Variants in FAM118A observed in about 807,000 individuals in gnomAD.
FAM118A encodes the protein protein FAM118A.
A neutral mutation model predicts 38.2 loss-of-function variants in FAM118A; 25 were observed. The ratio of observed to expected loss-of-function variants is 0.65; its 90% CI spans 0.48 to 0.91. The LOEUF (loss-of-function observed/expected upper bound fraction) is 0.91, where lower values mean the gene tolerates loss of function less well. FAM118A is among the 40% of genes least tolerant of loss of function. FAM118A has a pLI of 0.00. For synonymous variants in FAM118A, 178 were observed against 184.1 expected (o/e 0.97, Z 0.27); for missense variants, 425 against 463.3 (o/e 0.92, Z 0.76).
rs767178000 is a variant in FAM118A at position 45,332,509 on chromosome 22, CTCTT to C, written c.742_745del (p.Leu248ThrfsTer16). 2 of 1,614,204 alleles carry C rather than the reference CTCTT, an allele frequency of 1.2e-6. No individual in the cohort carries two copies. Among genetic ancestry groups the C allele is most frequent in the Admixed American group, 1.7e-5 (1 of 60,026 alleles). On this transcript the variant is annotated frameshift_variant, in exon 6 of 9. Coordinates refer to ENST00000441876, the MANE Select transcript of FAM118A (RefSeq NM_017911.4). LOFTEE classifies it high-confidence loss of function. Reference sequence around the variant, plus strand: ...CCTTCGTGATCAGATATTCCAGGCCCTCTTTCTTTACTCCGTGCCGAATAAGGTG... The same window carrying C: ...CCTTCGTGATCAGATATTCCAGGCCCTCTTTACTCCGTGCCGAATAAGGTG...
At chr22:45,311,360 C>T (rs935482946) in intron 1 of FAM118A, among the ~76,000 whole-genome samples, 1 of 152,108 alleles carries the variant, frequency 6.6e-6, no homozygotes, top group African/African-American at 2.4e-5. Context: ...AGCTTTGCTC[C>T]CGGAGGCCCA....
chr22:45,328,783 A>G (rs1427443495), intron 4 of FAM118A: 1 of 311,024 alleles, frequency 3.2e-6, no homozygotes, highest in Non-Finnish European at 6.1e-6. Context: ...GTCTCAAAAA[A>G]CAAAAGAAAA....
chr22:45,331,119 GCTT>G (rs556627665), intron 5 of FAM118A, among the ~76,000 whole-genome samples: 185 of 152,188 alleles, frequency 1.2e-3, no homozygotes, highest in African/African-American at 4.3e-3. Flanking sequence ...GTTCTTCCAG[GCTT>G]CTTCTGGTCT....
At chr22:45,328,325 G>C (rs35597459) in intron 4 of FAM118A, 1 of 294,938 alleles carries the variant, frequency 3.4e-6, no homozygotes, top group Non-Finnish European at 6.6e-6. Flanking sequence ...GGCTGGGGGT[G>C]CGGGAGGCCT....
intron 8 of FAM118A, among the ~76,000 whole-genome samples, chr22:45,339,781 G>A (rs1208085125): frequency 6.6e-6 from 1 of 152,192 alleles, no homozygotes; most frequent in Admixed American, 6.5e-5. Context: ...TCCCCCCGTG[G>A]CCTACCTCTG....
intron 4 of FAM118A, among the ~76,000 whole-genome samples, chr22:45,330,088 T>C (rs1333560852): frequency 1.3e-5 from 2 of 152,256 alleles, no homozygotes; most frequent in Non-Finnish European, 2.9e-5. Flanking sequence ...AATTAAAATA[T>C]AACATATAAC....
In FAM118A at chr22:45,332,586, C is replaced by A. The variant is rs752123002; in HGVS notation, c.813C>A (p.Phe271Leu). Residue 271 changes from phenylalanine to leucine, a missense_variant, in exon 6 of 9, where the codon TTC (phenylalanine) becomes TTA (leucine). Coordinates refer to ENST00000441876, the MANE Select transcript of FAM118A (RefSeq NM_017911.4). ...TGCTGAAGGAGAATGAAGACCATTT[C>A]TTTAAGCATCAGGCAGATATGCTTC... ...MLVLKENEDHFFKHQADMLLH... is the reference protein window; with the variant it reads ...MLVLKENEDHLFKHQADMLLH... 4 of 1,614,190 alleles carry A rather than the reference C, an allele frequency of 2.5e-6. No homozygotes were observed. The highest frequency in any genetic ancestry group is 2.2e-5 in the East Asian group (1 of 44,882).
chr22:45,327,847 A>C lies in FAM118A; in HGVS notation c.306A>C (p.Thr102=), dbSNP rs781452559. The C allele has an allele frequency of 6.2e-7, 1 of 1,614,244 alleles. No homozygotes were observed. Among genetic ancestry groups the C allele is most frequent in the Admixed American group, 1.7e-5 (1 of 60,028 alleles). ...GTCGTTCCACCTTTTTGTAGCGCAC[A>C]GGCGATGCCAAGCCCAGCTTCTTCC... ...HDLIRKMSPR[T]GDAKPSFFQD... is the part of the protein sequence containing the mutation. Residue 102 remains threonine (T), a synonymous_variant, in exon 4 of 9, where the codon ACA becomes ACC. Transcript: ENST00000441876.
chr22:45,330,486 C>G, intron 4 of FAM118A, 117 bp from the exon 5 acceptor site: 1 of 1,165,438 alleles, frequency 8.6e-7, no homozygotes, highest in Non-Finnish European at 1.1e-6. Context: ...TGAAGCATCT[C>G]TCGATGATTC....
chr22:45,331,857 C>G (rs2085744686), intron 5 of FAM118A, among the ~76,000 whole-genome samples: 1 of 151,510 alleles, frequency 6.6e-6, no homozygotes, highest in Non-Finnish European at 1.5e-5. Flanking sequence ...AATCTGCTTT[C>G]CCTGTGCCCA....
chr22:45,337,029 G>C (rs1329210996), intron 8 of FAM118A, among the ~76,000 whole-genome samples: 1 of 152,192 alleles, frequency 6.6e-6, no homozygotes, highest in Non-Finnish European at 1.5e-5. Flanking sequence ...TCGCTTGTTC[G>C]TGCCGGTCCC....
At chr22:45,315,706 G>T (rs954042377) in intron 1 of FAM118A, among the ~76,000 whole-genome samples, 1 of 151,820 alleles carries the variant, frequency 6.6e-6, no homozygotes, top group Non-Finnish European at 1.5e-5. Flanking sequence ...CTGGCTGGGG[G>T]AAACAGGTTT....
At position 45,332,428 on chromosome 22, in the gene FAM118A, G is replaced by T; in HGVS notation, c.655G>T (p.Val219Phe). The T allele has an allele frequency of 6.2e-7, 1 of 1,606,854 alleles. No individual in the cohort carries two copies. Among genetic ancestry groups the T allele is most frequent in the Non-Finnish European group, 8.5e-7 (1 of 1,176,994 alleles). ...TTTCTTCATTGGCCTTTTCTAGGAA[G>T]TCCTCCAGAACTTATACCGCACCAA... ...DVTQDAEVMEVLQNLYRTKSF... is the reference protein window; with the variant it reads ...DVTQDAEVMEFLQNLYRTKSF... Residue 219 changes from valine (V) to phenylalanine (F), a missense_variant, in exon 6 of 9, where the codon GTC (valine) becomes TTC (phenylalanine). Val to Phe is a conservative substitution (Grantham distance 50). Transcript: ENST00000441876.
rs778777604 is a variant in FAM118A, at chr22:45,322,405, A to G, written c.26A>G (p.Asn9Ser). The change falls in exon 2 of 9, where the codon AAT becomes AGT. Residue 9 changes from asparagine (N) to serine (S), a missense_variant. Transcript: ENST00000441876. ...ATGGATTCAGTGGAAAAGACAACAA[A>G]TAGAAGTGAACAAAAATCCAGGTAA... MDSVEKTT[N>S]RSEQKSRKFL... 2.5e-6 allele frequency: 4 copies of G among 1,610,974 alleles called. No individual in the cohort carries two copies. Among genetic ancestry groups the G allele is most frequent in the Non-Finnish European group, 3.4e-6 (4 of 1,179,316 alleles).
chr22:45,321,930 C>G, intron 1 of FAM118A: 1 of 306,560 alleles, frequency 3.3e-6, no homozygotes, highest in South Asian at 2.8e-5. Flanking sequence ...CCTTAGAGCA[C>G]TCGTTGGCTT....
chr22:45,332,886 G>T (rs2085824166), intron 6 of FAM118A, among the ~76,000 whole-genome samples, 176 bp downstream of exon 6: 1 of 151,958 alleles, frequency 6.6e-6, no homozygotes, highest in Non-Finnish European at 1.5e-5. Context: ...TGGCATTACA[G>T]GCATGCGCCA....
At chr22:45,326,405 G>A (rs1030854615) in intron 3 of FAM118A, among the ~76,000 whole-genome samples, 1 of 152,172 alleles carries the variant, frequency 6.6e-6, no homozygotes, top group Non-Finnish European at 1.5e-5. Context: ...GCGGCACTAC[G>A]GGCCAGGTGT....
At chr22:45,324,380 CGGGGAGTGCGTGGAGGA>C (rs2085104709) in intron 3 of FAM118A, among the ~76,000 whole-genome samples, 1 of 151,904 alleles carries the variant, frequency 6.6e-6, no homozygotes, top group Non-Finnish European at 1.5e-5. Context: ...TGTGCGTGCG[CGGGGAGTGCGTGGAGGA>C]GGGAAGTGCG....
chr22:45,322,201 G>A, intron 1 of FAM118A, 170 bp from the exon 2 acceptor site: 2 of 1,526,868 alleles, frequency 1.3e-6, no homozygotes, highest in Non-Finnish European at 1.8e-6. Flanking sequence ...TGGTGGCTTA[G>A]GAAGCATTTT....
Sources: gnomAD v4.1 joint callset for allele counts (sites outside exome capture counted in the v4.1 genomes callset) on GRCh38, gnomAD v4.1.1 for gene constraint, MANE v1.5 for transcripts, NCBI Gene and HGNC (gene_info 2026-07-23, HGNC 2026-07-21) for gene names.